RPIA: variants seen among roughly 807,000 people sequenced by gnomAD.
RPIA encodes the protein ribose-5-phosphate isomerase.
In RPIA, 29 loss-of-function variants were observed where a neutral mutation model predicts 37.8. That is an observed-to-expected ratio of 0.77 (90% CI 0.57 to 1.05). The LOEUF is 1.05. Ranked by LOEUF, RPIA falls within the 50% of genes least tolerant of loss-of-function variation. The probability of loss-of-function intolerance (pLI) is 0.00; values close to 1 mark genes in which losing one functional copy is unlikely to be tolerated. For synonymous variants in RPIA, 167 were observed against 157.0 expected (o/e 1.06, Z -0.48); for missense variants, 385 against 413.6 (o/e 0.93, Z 0.60).
intron 3 of RPIA, among the ~76,000 whole-genome samples, chr2:88,723,472 G>T (rs1488737605): frequency 2.0e-5 from 3 of 152,138 alleles, no homozygotes; most frequent in Non-Finnish European, 4.4e-5. Flanking sequence ...AAGGTGGGGG[G>T]AGTTCTACAG....
chr2:88,743,959 A>G (rs1490698427), intron 8 of RPIA, among the ~76,000 whole-genome samples: 1 of 152,076 alleles, frequency 6.6e-6, no homozygotes, highest in African/African-American at 2.4e-5. Flanking sequence ...TCAAAGAACC[A>G]GGTTTTTGTT....
chr2:88,738,077 G>A lies in RPIA; in HGVS notation c.838+1G>A. On this transcript the variant is annotated splice_donor_variant, in intron 8 of 8. Coordinates refer to ENST00000283646, the MANE Select transcript of RPIA (RefSeq NM_144563.3). LOFTEE classifies it high-confidence loss of function. ...AATACAGCTATCAAAATGATCCCAG[G>A]TAACATGAGTGGTGTTCACCAGTCA... The A allele has an allele frequency of 6.2e-7, 1 of 1,608,560 alleles. No homozygotes were observed.
intron 8 of RPIA, among the ~76,000 whole-genome samples, chr2:88,742,290 C>T (rs1012494658): frequency 2.6e-5 from 4 of 152,184 alleles, no homozygotes; most frequent in African/African-American, 9.7e-5. Context: ...ATCCCAGCAC[C>T]ATTTGTTGAA....
chr2:88,742,703 T>A (rs975214106), intron 8 of RPIA, among the ~76,000 whole-genome samples: 4 of 152,150 alleles, frequency 2.6e-5, no homozygotes, highest in African/African-American at 9.6e-5. Flanking sequence ...CCCATTTGTG[T>A]TGTCTGTGGT....
chr2:88,701,468 C>A (rs1672831007), intron 3 of RPIA, among the ~76,000 whole-genome samples: 1 of 151,942 alleles, frequency 6.6e-6, no homozygotes, highest in African/African-American at 2.4e-5. Context: ...TAATTCAAGT[C>A]TTTTTATTTA....
Position 88,750,634 on chromosome 2 carries a change from A to G in RPIA, c.*556A>G. 7.5e-6 allele frequency: 3 copies of G among 401,646 alleles called. No individual in the cohort carries two copies. The highest frequency in any genetic ancestry group is 1.3e-5 in the Non-Finnish European group (3 of 227,644). The allele number at this position is 401,646 out of a possible 1,614,324, so 24.9% of individuals were successfully genotyped here. Reference sequence around the variant, plus strand: ...TTATAAAACTGTGGAGTGGAGCGGTATGGTATGGAATGACTTGGAATGTAA... The same window carrying G: ...TTATAAAACTGTGGAGTGGAGCGGTGTGGTATGGAATGACTTGGAATGTAA... On this transcript the variant is annotated 3_prime_UTR_variant, in exon 9 of 9. Transcript: ENST00000283646.
rs556363573 is a variant in RPIA at position 88,739,026 on chromosome 2, G to A, written c.838+950G>A. Among the ~76,000 whole-genome samples the A allele has an allele frequency of 1.1e-4, 16 of 152,310 alleles. 1 individual carries two copies. In the East Asian group the frequency reaches 3.1e-3, roughly 29 times the overall value. On this transcript the variant is annotated intron_variant, in intron 8 of 8. Transcript: ENST00000283646. ...GAATGATGGAATAAGAGCCAGGATG[G>A]CCCTGCGTGAAGGATGGGTGGGCAG...
chr2:88,705,543 A>T (rs1359069465), intron 3 of RPIA, among the ~76,000 whole-genome samples: 4 of 152,240 alleles, frequency 2.6e-5, no homozygotes, highest in African/African-American at 9.6e-5. Flanking sequence ...CTTACAACTT[A>T]TATGAAAATT....
chr2:88,734,439 A>G (rs1362231518), intron 4 of RPIA, 113 bp from the exon 5 acceptor site: 4 of 965,448 alleles, frequency 4.1e-6, no homozygotes, highest in East Asian at 4.8e-5. Context: ...AAATGGGAGT[A>G]CTAGAATTAG....
chr2:88,695,846 T>C (rs115257428), intron 1 of RPIA, among the ~76,000 whole-genome samples: 271 of 152,330 alleles, frequency 1.8e-3, no homozygotes, highest in Non-Finnish European at 2.7e-3. Flanking sequence ...CAAAAGTTGT[T>C]GGATAAAGTC....
At chr2:88,743,216 A>G (rs1043168482) in intron 8 of RPIA, among the ~76,000 whole-genome samples, 2 of 151,902 alleles carry the variant, frequency 1.3e-5, no homozygotes, top group Non-Finnish European at 2.9e-5. Context: ...TGTCCCTTCT[A>G]TGTTGATTTT....
At chr2:88,718,931 G>A (rs910903193) in intron 3 of RPIA, among the ~76,000 whole-genome samples, 3 of 152,120 alleles carry the variant, frequency 2.0e-5, no homozygotes, top group African/African-American at 7.2e-5. Flanking sequence ...GATCAGCAAC[G>A]TCTTAAGCAA....
At chr2:88,742,938 T>G (rs903711567) in intron 8 of RPIA, among the ~76,000 whole-genome samples, 1 of 152,150 alleles carries the variant, frequency 6.6e-6, no homozygotes, top group Admixed American at 6.5e-5. Context: ...ATCTAAGAGC[T>G]TTTTGGATGA....
In RPIA at chr2:88,700,037, C is replaced by G; in HGVS notation, c.375C>G (p.Asn125Lys). Residue 125 changes from asparagine (N) to lysine (K), a missense_variant, in exon 3 of 9, where the codon AAC becomes AAG. Coordinates refer to ENST00000283646, the MANE Select transcript of RPIA (RefSeq NM_144563.3). The part of the protein sequence containing the change: ...IAERVKQENL[N>K]LVCIPTSFQA... ...AAAGGGTGAAGCAAGAGAATCTGAA[C>G]CTCGTCTGTATTCCCACTTCCTTCC... 6.2e-7 allele frequency: 1 copy of G among 1,614,202 alleles called. No individual in the cohort carries two copies. Among genetic ancestry groups the G allele is most frequent in the Admixed American group, 1.7e-5 (1 of 60,028 alleles).
At chr2:88,705,093 G>T (rs976072243) in intron 3 of RPIA, among the ~76,000 whole-genome samples, 1 of 152,190 alleles carries the variant, frequency 6.6e-6, no homozygotes, top group African/African-American at 2.4e-5. Context: ...AACATTCCAT[G>T]CCCATGGATA....
At chr2:88,692,099 G>A (rs1282192804) in intron 1 of RPIA, 116 bp downstream of exon 1, 37 of 1,314,316 alleles carry the variant, frequency 2.8e-5, no homozygotes, top group Non-Finnish European at 3.6e-5. Flanking sequence ...GGAGCTGAGT[G>A]AGAGGGTAGA....
intron 8 of RPIA, 78 bp downstream of exon 8, chr2:88,738,154 C>T (rs765480027): frequency 6.0e-6 from 6 of 1,004,354 alleles, no homozygotes; most frequent in South Asian, 1.3e-5. Flanking sequence ...CCACAGAAGG[C>T]ACAATGGACA....
chr2:88,741,344 A>G (rs1304887344), intron 8 of RPIA, among the ~76,000 whole-genome samples: 1 of 152,188 alleles, frequency 6.6e-6, no homozygotes, highest in African/African-American at 2.4e-5. Flanking sequence ...CTTCACTTAG[A>G]ATTATGGTCT....
At chr2:88,713,837 A>G (rs1275821383) in intron 3 of RPIA, among the ~76,000 whole-genome samples, 1 of 148,856 alleles carries the variant, frequency 6.7e-6, no homozygotes, top group Non-Finnish European at 1.5e-5. Flanking sequence ...TCATGTGTTC[A>G]GTTTCTAATA....
Sources: gnomAD v4.1 joint callset for allele counts (sites outside exome capture counted in the v4.1 genomes callset) on GRCh38, gnomAD v4.1.1 for gene constraint, MANE v1.5 for transcripts, NCBI Gene and HGNC (gene_info 2026-07-23, HGNC 2026-07-21) for gene names.